CLPB: variants seen among roughly 807,000 people sequenced by gnomAD.
CLPB encodes the protein mitochondrial disaggregase.
CLPB carries 40 observed loss-of-function variants against 78.4 expected under a neutral mutation model. The observed-to-expected ratio is 0.51, with a 90% CI of 0.40 to 0.66. The LOEUF (loss-of-function observed/expected upper bound fraction) is 0.66. Among genes scored for constraint, CLPB ranks in the 30% least tolerant of loss-of-function variants. The pLI, the probability that CLPB is intolerant of heterozygous loss-of-function variation, is 0.00. For missense variants in CLPB, 780 were observed against 886.9 expected (o/e 0.88, Z 1.53); for synonymous variants, 333 against 348.0 (o/e 0.96, Z 0.48).
At chr11:72,362,627 C>T (rs1183801936) in intron 4 of CLPB, among the ~76,000 whole-genome samples, 1 of 152,214 alleles carries the variant, frequency 6.6e-6, no homozygotes, top group Non-Finnish European at 1.5e-5. Context: ...CTCTCTGTGC[C>T]AGGCTCCTTT....
At chr11:72,364,219 G>A (rs979026152) in intron 4 of CLPB, among the ~76,000 whole-genome samples, 1 of 152,130 alleles carries the variant, frequency 6.6e-6, no homozygotes, top group African/African-American at 2.4e-5. Context: ...TTGAGATGGA[G>A]TCTCACTCTT....
chr11:72,312,818 T>TA lies in CLPB; in HGVS notation c.989-4215dup, dbSNP rs1361945619. 1.3e-5 allele frequency among the ~76,000 whole-genome samples: 2 copies of TA among 152,108 alleles called. No homozygotes were observed. The highest frequency in any genetic ancestry group is 4.8e-5 in the African/African-American group (2 of 41,446). On this transcript the variant is annotated intron_variant, in intron 7 of 15. Coordinates refer to ENST00000538039, the MANE Select transcript of CLPB (RefSeq NM_001258392.3). The surrounding 1 kb of genome is among the most constrained non-coding windows in gnomAD (Gnocchi z 4.2). ...GAGGCCTCAAAAAAGGTGCGTGCCA[T>TA]AGAGGTAAAGGCTGCTATGAAAACT...
chr11:72,413,367 G>T (rs1157264348), intron 2 of CLPB, among the ~76,000 whole-genome samples: 1 of 151,016 alleles, frequency 6.6e-6, no homozygotes, highest in African/African-American at 2.4e-5. Flanking sequence ...TGTTTCATTT[G>T]CTTTTCTATT....
At chr11:72,431,161 C>A (rs1446320109) in intron 1 of CLPB, among the ~76,000 whole-genome samples, 3 of 152,208 alleles carry the variant, frequency 2.0e-5, no homozygotes, top group Non-Finnish European at 4.4e-5. Flanking sequence ...GCTGTTGCCA[C>A]CACCTTGTGG....
chr11:72,347,597 T>C (rs1047925615), intron 5 of CLPB, among the ~76,000 whole-genome samples: 4 of 152,244 alleles, frequency 2.6e-5, no homozygotes, highest in Non-Finnish European at 5.9e-5. Context: ...TTGTGAATTT[T>C]GTACTATGTA....
At position 72,403,064 on chromosome 11, in the gene CLPB, CAG is replaced by C. The variant is rs764918611; in HGVS notation, c.456-14_456-13del. The C allele has an allele frequency of 5.6e-6, 9 of 1,611,580 alleles. No individual in the cohort carries two copies. The African/African-American group carries it at 6.7e-5, about 12-fold the overall frequency. On this transcript the variant is annotated splice_polypyrimidine_tract_variant and intron_variant, in intron 2 of 15. Coordinates refer to ENST00000538039, the MANE Select transcript of CLPB (RefSeq NM_001258392.3). ...CTTCTGACAACAGCCTAAAACAAGA[CAG>C]AGGAATATTTTCAGTGTATGGCTTG...
At chr11:72,377,775 T>C (rs941362761) in intron 4 of CLPB, among the ~76,000 whole-genome samples, 10 of 152,126 alleles carry the variant, frequency 6.6e-5, no homozygotes, top group Non-Finnish European at 1.3e-4. Flanking sequence ...AAGAAAATTA[T>C]GTAGAGCAGG....
chr11:72,372,651 G>C lies in CLPB; in HGVS notation c.646+7630C>G, dbSNP rs551102654. Among the ~76,000 whole-genome samples the C allele has an allele frequency of 3.9e-5, 6 of 152,272 alleles. No homozygotes were observed. In the East Asian group the frequency reaches 1.2e-3, roughly 29 times the overall value. ...ACGCAAAACCTCGGGTCCCACCCCAGACATACTCAATCAGAATCTCTGAGG... is the reference window on the plus strand; with the variant it reads ...ACGCAAAACCTCGGGTCCCACCCCACACATACTCAATCAGAATCTCTGAGG... On this transcript the variant is annotated intron_variant, in intron 4 of 15. Transcript: ENST00000538039.
intron 2 of CLPB, among the ~76,000 whole-genome samples, chr11:72,408,575 G>A (rs910280474): frequency 1.3e-5 from 2 of 150,646 alleles, no homozygotes; most frequent in African/African-American, 4.9e-5. Context: ...GCTGAGGCAG[G>A]AGAATCACTT....
At chr11:72,337,949 G>C (rs1950351046) in intron 5 of CLPB, among the ~76,000 whole-genome samples, 1 of 152,148 alleles carries the variant, frequency 6.6e-6, no homozygotes, top group African/African-American at 2.4e-5. Flanking sequence ...TAACCTCTCA[G>C]AAGGTCATCC....
rs1949393458 is a variant in CLPB at position 72,286,616 on chromosome 11, C to T, written c.*6751G>A. Reference sequence around the variant, plus strand: ...TCAGCCTCCCAAATAGCTGGAATTACCGGCATGTGCCACTATGTCCGGCTA... The same window carrying T: ...TCAGCCTCCCAAATAGCTGGAATTATCGGCATGTGCCACTATGTCCGGCTA... On this transcript the variant is annotated 3_prime_UTR_variant, in exon 16 of 16. Transcript: ENST00000538039. 1 of 152,144 alleles carries T rather than the reference C, an allele frequency of 6.6e-6. No homozygotes were observed. Among genetic ancestry groups the T allele is most frequent in the African/African-American group, 2.4e-5 (1 of 41,412 alleles). 9.4% of individuals were successfully genotyped at this position (152,144 alleles called of 1,614,324 possible). A position where few individuals can be genotyped will look rare whatever the true frequency, so the allele number is the denominator to read the frequency against.
At chr11:72,328,527 G>C (rs1950168199) in intron 6 of CLPB, among the ~76,000 whole-genome samples, 1 of 152,164 alleles carries the variant, frequency 6.6e-6, no homozygotes, top group African/African-American at 2.4e-5. Flanking sequence ...GGTGAAGCTA[G>C]GATCAGAACC....
At chr11:72,425,622 C>T (rs932584112) in intron 2 of CLPB, among the ~76,000 whole-genome samples, 3 of 152,162 alleles carry the variant, frequency 2.0e-5, no homozygotes, top group Non-Finnish European at 2.9e-5. Flanking sequence ...AGATGGGCGA[C>T]TGAGGGACAA....
chr11:72,317,656 T>C (rs1949972958), intron 6 of CLPB, among the ~76,000 whole-genome samples: 1 of 152,242 alleles, frequency 6.6e-6, no homozygotes, highest in Non-Finnish European at 1.5e-5. Context: ...TAAATTCCTT[T>C]CTCTTTCCTC....
intron 3 of CLPB, among the ~76,000 whole-genome samples, chr11:72,383,261 G>A (rs1004643557): frequency 2.6e-5 from 4 of 151,756 alleles, no homozygotes; most frequent in Admixed American, 2.0e-4. Context: ...GCGGTGGCTC[G>A]CACCTGTAAT....
chr11:72,356,282 T>TAA (rs375776547), intron 5 of CLPB, among the ~76,000 whole-genome samples: 228 of 136,740 alleles, frequency 1.7e-3, no homozygotes, highest in Non-Finnish European at 2.4e-3. Flanking sequence ...CTGTCTCAAT[T>TAA]AAAAAAAAAA....
At position 72,293,276 on chromosome 11, in the gene CLPB, G is replaced by C; in HGVS notation, c.*91C>G. 6.7e-7 allele frequency: 1 copy of C among 1,485,056 alleles called. No homozygotes were observed. Among genetic ancestry groups the C allele is most frequent in the Non-Finnish European group, 9.2e-7 (1 of 1,085,240 alleles). 92.0% of individuals were successfully genotyped at this position (1,485,056 alleles called of 1,614,324 possible). A position where few individuals can be genotyped will look rare whatever the true frequency, so the allele number is the denominator to read the frequency against. On this transcript the variant is annotated 3_prime_UTR_variant, in exon 16 of 16. Coordinates refer to ENST00000538039, the MANE Select transcript of CLPB (RefSeq NM_001258392.3). ...GGCCTGAGACTGGGTAGAGATGGGA[G>C]CGGCATGAGGGGAAGGTAAGTCAGT...
At chr11:72,399,721 T>C (rs1590896518) in intron 3 of CLPB, among the ~76,000 whole-genome samples, 1 of 152,116 alleles carries the variant, frequency 6.6e-6, no homozygotes, top group Non-Finnish European at 1.5e-5. Flanking sequence ...CTAAAGGAGG[T>C]GAAGGAGGTG....
intron 6 of CLPB, among the ~76,000 whole-genome samples, chr11:72,323,252 A>AATAT (rs1950073924): frequency 6.6e-6 from 1 of 152,220 alleles, no homozygotes; most frequent in Non-Finnish European, 1.5e-5. Flanking sequence ...CATTTTACAA[A>AATAT]ATAACCAACC....
Sources: allele counts gnomAD v4.1 joint callset (sites outside exome capture counted in the v4.1 genomes callset), GRCh38; gene constraint gnomAD v4.1.1; non-coding constraint Gnocchi (gnomAD v3.1); transcripts MANE v1.5; gene names NCBI Gene and HGNC (gene_info 2026-07-23, HGNC 2026-07-21).